The following ZC3H7A variants were observed in gnomAD, a reference collection of about 807,000 sequenced individuals.
ZC3H7A encodes zinc finger CCCH domain-containing protein 7A.
A neutral mutation model predicts 125.5 loss-of-function variants in ZC3H7A; 44 were observed. That is an observed-to-expected ratio of 0.35 (90% CI 0.28 to 0.45). ZC3H7A has a LOEUF of 0.45. Among genes scored for constraint, ZC3H7A ranks in the 20% least tolerant of loss-of-function variants. ZC3H7A has a pLI of 1.00. For missense variants in ZC3H7A, 977 were observed against 1,170.7 expected (o/e 0.83, Z 2.41); for synonymous variants, 399 against 391.2 (o/e 1.02, Z -0.23).
At chr16:11,756,499 A>C (rs1417848057) in intron 20 of ZC3H7A, 129 bp from the exon 21 acceptor site, 1 of 1,178,562 alleles carries the variant, frequency 8.5e-7, no homozygotes, top group Non-Finnish European at 1.2e-6. Flanking sequence ...GGAGACTATT[A>C]TATTAGACAT....
chr16:11,795,097 C>A (rs1450843527), intron 1 of ZC3H7A, among the ~76,000 whole-genome samples: 1 of 152,182 alleles, frequency 6.6e-6, no homozygotes, highest in East Asian at 1.9e-4. Context: ...AAACCTCATA[C>A]AACTATTTGT....
chr16:11,768,668 A>AT lies in ZC3H7A; in HGVS notation c.1174-168dup. The AT allele has an allele frequency of 4.3e-6, 3 of 705,770 alleles. No homozygotes were observed. The South Asian group carries it at 1.2e-4, about 29-fold the overall frequency. 43.7% of individuals were successfully genotyped at this position (705,770 alleles called of 1,614,324 possible). ...TATCTTAAAAACTGTCTCTTTCTAC[A>AT]TTTTTCTCTCTTTTGGTTTCTAGTC... On this transcript the variant is annotated intron_variant, in intron 11 of 22. Coordinates refer to ENST00000355758, the MANE Select transcript of ZC3H7A (RefSeq NM_014153.4).
intron 9 of ZC3H7A, among the ~76,000 whole-genome samples, chr16:11,771,512 T>A (rs994148099): frequency 6.6e-6 from 1 of 152,202 alleles, no homozygotes; most frequent in Non-Finnish European, 1.5e-5. Context: ...TCTAACTTTT[T>A]TTTTTTGAGA....
intron 1 of ZC3H7A, among the ~76,000 whole-genome samples, chr16:11,795,003 G>C (rs768545290): frequency 1.3e-5 from 2 of 152,242 alleles, no homozygotes; most frequent in Middle Eastern, 3.4e-3. Context: ...CGGGCTCTTT[G>C]TAGAATAAAC....
At position 11,772,301 on chromosome 16, in the gene ZC3H7A, T is replaced by C. The variant is rs1166547161; in HGVS notation, c.904-1314A>G. On this transcript the variant is annotated intron_variant, in intron 9 of 22. Transcript: ENST00000355758. The stretch of plus-strand genomic sequence containing the variant: ...CGGGAGCTGGAGAAGCCCATGAAGA[T>C]TGAGACAACCTCTCTGGAGGTGTGA... Among the ~76,000 whole-genome samples the C allele has an allele frequency of 4.6e-5, 7 of 151,564 alleles. No individual in the cohort carries two copies. The East Asian group carries it at 5.8e-4, about 13-fold the overall frequency.
intron 9 of ZC3H7A, among the ~76,000 whole-genome samples, chr16:11,771,402 A>G (rs2052979147): frequency 1.3e-5 from 2 of 152,170 alleles, no homozygotes; most frequent in Non-Finnish European, 2.9e-5. Context: ...AAAATAAAAA[A>G]AAAAACAAAG....
intron 1 of ZC3H7A, among the ~76,000 whole-genome samples, chr16:11,792,801 CG>C (rs1308465034): frequency 6.6e-6 from 1 of 152,206 alleles, no homozygotes; most frequent in Non-Finnish European, 1.5e-5. Flanking sequence ...CTGCACATTA[CG>C]TGCCAAAGAC....
chr16:11,758,311 CG>C, intron 20 of ZC3H7A, 119 bp downstream of exon 20: 1 of 744,258 alleles, frequency 1.3e-6, no homozygotes. Flanking sequence ...ACTGATGAAA[CG>C]GGGCAACCGT....
intron 9 of ZC3H7A, among the ~76,000 whole-genome samples, chr16:11,772,691 C>G (rs2053006319): frequency 6.7e-6 from 1 of 150,036 alleles, no homozygotes; most frequent in Non-Finnish European, 1.5e-5. Context: ...TGGGAGGGGT[C>G]AGAGAAGTCT....
At chr16:11,786,934 G>GCA (rs1244758227) in intron 1 of ZC3H7A, among the ~76,000 whole-genome samples, 3 of 152,084 alleles carry the variant, frequency 2.0e-5, no homozygotes, top group African/African-American at 7.2e-5. Context: ...AAACATCTCA[G>GCA]CACACACACA....
At chr16:11,772,445 T>C (rs1314046333) in intron 9 of ZC3H7A, among the ~76,000 whole-genome samples, 1 of 151,756 alleles carries the variant, frequency 6.6e-6, no homozygotes, top group Admixed American at 6.6e-5. Context: ...ATTTGGTTCT[T>C]AAAACAGCTC....
At chr16:11,784,978 G>A (rs1293431179) in intron 1 of ZC3H7A, among the ~76,000 whole-genome samples, 1 of 151,978 alleles carries the variant, frequency 6.6e-6, no homozygotes, top group Non-Finnish European at 1.5e-5. Flanking sequence ...GGCCAACATG[G>A]GGAAACCCCA....
intron 9 of ZC3H7A, among the ~76,000 whole-genome samples, chr16:11,772,541 G>A (rs1484470107): frequency 1.3e-5 from 2 of 151,716 alleles, no homozygotes; most frequent in Non-Finnish European, 2.9e-5. Context: ...GTATCACAGA[G>A]CTGGTAAGAA....
At chr16:11,771,747 C>T (rs986988180) in intron 9 of ZC3H7A, among the ~76,000 whole-genome samples, 36 of 152,030 alleles carry the variant, frequency 2.4e-4, no homozygotes, top group African/African-American at 7.7e-4. Context: ...GTGATCCAAC[C>T]GCCTAGAACT....
At chr16:11,764,238 C>A (rs936379663) in intron 15 of ZC3H7A, among the ~76,000 whole-genome samples, 11 of 152,098 alleles carry the variant, frequency 7.2e-5, no homozygotes, top group African/African-American at 2.7e-4. Flanking sequence ...CATGTTGAAA[C>A]CCTGTTGCTA....
chr16:11,762,639 C>G, intron 17 of ZC3H7A, 32 bp downstream of exon 17: 10 of 1,606,242 alleles, frequency 6.2e-6, no homozygotes, highest in Non-Finnish European at 7.7e-6. Flanking sequence ...AGAAAGGACA[C>G]CAAATGCAGA....
In ZC3H7A at chr16:11,788,747, G is replaced by A. The variant is rs567050050; in HGVS notation, c.-34-6359C>T. ...TCCTGCCTCAGCCGCCCCAGTATCT[G>A]GGGTTACAGGTACGCACCAGCACAC... On this transcript the variant is annotated intron_variant, in intron 1 of 22. Coordinates refer to ENST00000355758, the MANE Select transcript of ZC3H7A (RefSeq NM_014153.4). Among the ~76,000 whole-genome samples, 3 of 151,614 alleles carry A rather than the reference G, an allele frequency of 2.0e-5. No individual in the cohort carries two copies. The East Asian group carries it at 5.8e-4, about 29-fold the overall frequency.
Position 11,776,966 on chromosome 16 carries a change from G to A in ZC3H7A, c.307-57C>T, listed in dbSNP as rs974027204. 2.8e-6 allele frequency: 4 copies of A among 1,428,718 alleles called. No individual in the cohort carries two copies. In the Admixed American group the frequency reaches 1.0e-4, roughly 37 times the overall value. 88.5% of individuals were successfully genotyped at this position (1,428,718 alleles called of 1,614,324 possible). ...AATCAAACAATTCATTTCTTGCACTGAGGCCTTCCTGTAATAAAAACAAAT... is the reference window on the plus strand; with the variant it reads ...AATCAAACAATTCATTTCTTGCACTAAGGCCTTCCTGTAATAAAAACAAAT... On this transcript the variant is annotated intron_variant, in intron 4 of 22. Transcript: ENST00000355758.
chr16:11,773,518 T>G (rs904261412), intron 9 of ZC3H7A, among the ~76,000 whole-genome samples: 1 of 151,970 alleles, frequency 6.6e-6, no homozygotes, highest in Non-Finnish European at 1.5e-5. Context: ...AGGCCAGATT[T>G]AGCCTGTGGG....
Sources: gnomAD v4.1 joint callset for allele counts (sites outside exome capture counted in the v4.1 genomes callset) on GRCh38, gnomAD v4.1.1 for gene constraint, MANE v1.5 for transcripts, NCBI Gene and HGNC (gene_info 2026-07-23, HGNC 2026-07-21) for gene names.